The following ALK variants were observed in gnomAD, a reference collection of about 807,000 sequenced individuals.
The protein encoded by ALK is ALK tyrosine kinase receptor.
ALK carries 74 observed loss-of-function variants against 163.1 expected under a neutral mutation model. The ratio of observed to expected loss-of-function variants is 0.45; its 90% CI spans 0.38 to 0.55. The LOEUF (loss-of-function observed/expected upper bound fraction) is 0.55, where lower values mean the gene tolerates loss of function less well. ALK is among the 20% of genes least tolerant of loss of function. The pLI, the probability that ALK is intolerant of heterozygous loss-of-function variation, is 0.00. For synonymous variants in ALK, 960 were observed against 843.2 expected, an observed-to-expected ratio of 1.14 and a Z score of -2.40; for missense variants, 2,063 against 2,105.3, an observed-to-expected ratio of 0.98 and a Z score of 0.39.
chr2:29,375,610 C>T (rs1668735973), intron 5 of ALK, among the ~76,000 whole-genome samples: 1 of 152,158 alleles, frequency 6.6e-6, no homozygotes, highest in African/African-American at 2.4e-5. Context: ...AGCCACTGCG[C>T]CTGGCCTATC....
chr2:29,464,184 A>G (rs1167292558), intron 4 of ALK, among the ~76,000 whole-genome samples: 1 of 152,212 alleles, frequency 6.6e-6, no homozygotes, highest in African/African-American at 2.4e-5. Context: ...GCATTCAAAA[A>G]AGAAGAAAAT....
intron 3 of ALK, among the ~76,000 whole-genome samples, chr2:29,592,222 T>C (rs1675082127): frequency 6.6e-6 from 1 of 152,098 alleles, no homozygotes; most frequent in South Asian, 2.1e-4. Context: ...CTCTTAATCC[T>C]CATCCTTTGT....
At chr2:29,757,736 T>C (rs181088675) in intron 1 of ALK, among the ~76,000 whole-genome samples, 1 of 152,186 alleles carries the variant, frequency 6.6e-6, no homozygotes, top group East Asian at 1.9e-4. Flanking sequence ...AGACAGTAAA[T>C]ATTTTGTGCC....
intron 3 of ALK, among the ~76,000 whole-genome samples, chr2:29,606,237 G>A (rs1341535933): frequency 6.6e-6 from 1 of 152,146 alleles, no homozygotes; most frequent in African/African-American, 2.4e-5. Context: ...GAAATGAGGA[G>A]GTACACTTAA....
At chr2:29,419,431 G>A (rs891612630) in intron 4 of ALK, among the ~76,000 whole-genome samples, 11 of 151,434 alleles carry the variant, frequency 7.3e-5, no homozygotes, top group Admixed American at 3.3e-4. Flanking sequence ...TCATGACCTT[G>A]CAGCATGACT....
At chr2:29,739,081 T>A (rs948862185) in intron 1 of ALK, among the ~76,000 whole-genome samples, 2 of 150,942 alleles carry the variant, frequency 1.3e-5, no homozygotes, top group African/African-American at 2.4e-5. Flanking sequence ...TTCAAAAAAA[T>A]TTTTTAAAAT....
At chr2:29,829,649 T>C (rs552592812) in intron 1 of ALK, among the ~76,000 whole-genome samples, 4 of 152,212 alleles carry the variant, frequency 2.6e-5, no homozygotes, top group South Asian at 2.1e-4. Context: ...CATTTTCACC[T>C]AAGGGGGGTA....
chr2:29,894,778 C>T (rs1000221938), intron 1 of ALK, among the ~76,000 whole-genome samples: 5 of 151,652 alleles, frequency 3.3e-5, no homozygotes, highest in Non-Finnish European at 7.4e-5. Context: ...AACTATTTTG[C>T]TTTTCTAGGA....
intron 3 of ALK, among the ~76,000 whole-genome samples, chr2:29,629,556 A>G (rs998436292): frequency 1.3e-5 from 2 of 152,214 alleles, no homozygotes; most frequent in Non-Finnish European, 2.9e-5. Flanking sequence ...AATTGCTCTC[A>G]TAATTCTTTC....
chr2:29,535,344 CAGTGT>C (rs1673224541), intron 3 of ALK, among the ~76,000 whole-genome samples: 2 of 152,112 alleles, frequency 1.3e-5, no homozygotes, highest in South Asian at 4.1e-4. Context: ...CTCTGGTCAC[CAGTGT>C]AGGAATGTGC....
At chr2:29,705,330 C>G (rs544831342) in intron 2 of ALK, among the ~76,000 whole-genome samples, 8 of 134,096 alleles carry the variant, frequency 6.0e-5, no homozygotes, top group African/African-American at 2.1e-4. Flanking sequence ...TGTCGCCATG[C>G]TTTCAAAACC....
intron 1 of ALK, chr2:29,892,344 A>G (rs1279212651): frequency 6.6e-6 from 1 of 152,202 alleles, no homozygotes; most frequent in Non-Finnish European, 1.5e-5. Context: ...CAGCCATCCC[A>G]CTGCACCAAC....
rs2148137386 is a variant in ALK at position 29,193,371 on chromosome 2, G to A, written c.4716C>T (p.Phe1572=). ...TCCCACAAGGGAAGTGACGTAGCCTGAACAGAGGTACCTCCTTCATATTGG... is the reference window on the plus strand; with the variant it reads ...TCCCACAAGGGAAGTGACGTAGCCTAAACAGAGGTACCTCCTTCATATTGG... ...LTANMKEVPL[F]RLRHFPCGNV... is the part of the protein sequence containing the mutation. Residue 1572 remains phenylalanine (F), a synonymous_variant, in exon 29 of 29, where the codon TTC becomes TTT. Transcript: ENST00000389048. 1 of 1,614,212 alleles carries A rather than the reference G, an allele frequency of 6.2e-7. No individual in the cohort carries two copies. The highest frequency in any genetic ancestry group is 8.5e-7 in the Non-Finnish European group (1 of 1,180,040).
intron 4 of ALK, among the ~76,000 whole-genome samples, chr2:29,509,407 T>A (rs898714252): frequency 6.6e-5 from 10 of 152,156 alleles, no homozygotes; most frequent in African/African-American, 2.4e-4. Context: ...GTAAATTAGA[T>A]CAGCGAAAGC....
intron 5 of ALK, among the ~76,000 whole-genome samples, chr2:29,379,931 G>A (rs1668854031): frequency 6.6e-6 from 1 of 152,146 alleles, no homozygotes; most frequent in South Asian, 2.1e-4. Flanking sequence ...ACCTGAGACT[G>A]GGTAATTTAT....
chr2:29,355,826 A>G (rs1668233349), intron 5 of ALK, among the ~76,000 whole-genome samples: 1 of 152,152 alleles, frequency 6.6e-6, no homozygotes, highest in African/African-American at 2.4e-5. Flanking sequence ...TCCAATGTTT[A>G]GGCTACCCTG....
At position 29,579,700 on chromosome 2, in the gene ALK, G is replaced by A. The variant is rs1469061341; in HGVS notation, c.953-47584C>T. ...GATTTGAAAAACTGTCAACTCATCA[G>A]ATTGAGAGCTGTTTCATTTGCTTCA... is the stretch of plus-strand genomic sequence containing the variant. On this transcript the variant is annotated intron_variant, in intron 3 of 28. Coordinates refer to ENST00000389048, the MANE Select transcript of ALK (RefSeq NM_004304.5). Among the ~76,000 whole-genome samples, 3 of 152,162 alleles carry A rather than the reference G, an allele frequency of 2.0e-5. No individual in the cohort carries two copies. In the East Asian group the frequency reaches 5.8e-4, roughly 29 times the overall value.
intron 26 of ALK, among the ~76,000 whole-genome samples, chr2:29,203,222 T>C: frequency 6.6e-6 from 1 of 152,148 alleles, no homozygotes; most frequent in Non-Finnish European, 1.5e-5. Context: ...AGGCTCTTGC[T>C]CTCATTATCT....
intron 1 of ALK, among the ~76,000 whole-genome samples, chr2:29,841,744 C>T (rs1459660325): frequency 6.6e-6 from 1 of 152,182 alleles, no homozygotes; most frequent in Non-Finnish European, 1.5e-5. Flanking sequence ...ATGAAATAAA[C>T]TTCCATTTCT....
Sources: gnomAD v4.1 joint callset for allele counts (sites outside exome capture counted in the v4.1 genomes callset) on GRCh38, gnomAD v4.1.1 for gene constraint, MANE v1.5 for transcripts, NCBI Gene and HGNC (gene_info 2026-07-23, HGNC 2026-07-21) for gene names.